The following MARCHF9 variants were observed in gnomAD, a reference collection of about 807,000 sequenced individuals.
The protein encoded by MARCHF9 is E3 ubiquitin-protein ligase MARCHF9.
Under a neutral mutation model 35.2 loss-of-function variants are expected in MARCHF9, and 17 were observed. The observed-to-expected ratio is 0.48, with a 90% CI of 0.33 to 0.72. The LOEUF (loss-of-function observed/expected upper bound fraction) is 0.72. Ranked by LOEUF, MARCHF9 falls within the 30% of genes least tolerant of loss-of-function variation. The probability of loss-of-function intolerance (pLI) is 0.02; values close to 1 mark genes in which losing one functional copy is unlikely to be tolerated. For synonymous variants in MARCHF9, 183 were observed against 207.4 expected, an observed-to-expected ratio of 0.88 and a Z score of 1.01; for missense variants, 386 against 478.2, an observed-to-expected ratio of 0.81 and a Z score of 1.80.
At chr12:57,757,117 C>G (rs1955292358) in intron 2 of MARCHF9, 33 bp downstream of exon 2, 1 of 1,512,440 alleles carries the variant, frequency 6.6e-7, no homozygotes, top group Non-Finnish European at 8.9e-7. Flanking sequence ...GGAGATTGGG[C>G]GAGGACCTTT....
rs912350767 is a variant in MARCHF9, at chr12:57,756,844, AGAG to A, written c.358-80_358-78del. The A allele has an allele frequency of 5.9e-6, 8 of 1,346,238 alleles. No individual in the cohort carries two copies. The East Asian group carries it at 1.7e-4, about 29-fold the overall frequency. 83.4% of individuals were successfully genotyped at this position (1,346,238 alleles called of 1,614,324 possible). On this transcript the variant is annotated intron_variant, in intron 1 of 3. Coordinates refer to ENST00000266643, the MANE Select transcript of MARCHF9 (RefSeq NM_138396.6). Reference sequence around the variant, plus strand: ...TATTTAAGGTGGGAAAGTGACCTGAAGAGGAGGTTTCCCTGTCGGGGAGCGCGG... The same window carrying A: ...TATTTAAGGTGGGAAAGTGACCTGAAGAGGTTTCCCTGTCGGGGAGCGCGG...
At chr12:57,757,845 G>GT in intron 2 of MARCHF9, 1 of 605,690 alleles carries the variant, frequency 1.7e-6, no homozygotes, top group South Asian at 2.0e-5. Context: ...TACTTAGCCA[G>GT]TAAGTGATGG....
chr12:57,755,761 C>T lies in MARCHF9; in HGVS notation c.233C>T (p.Pro78Leu), dbSNP rs1955282599. 3.2e-6 allele frequency: 4 copies of T among 1,256,270 alleles called. No homozygotes were observed. Among genetic ancestry groups the T allele is most frequent in the Non-Finnish European group, 4.0e-6 (4 of 1,003,774 alleles). The allele number at this position is 1,256,270 out of a possible 1,614,324, so 77.8% of individuals were successfully genotyped here. The change falls in exon 1 of 4, where the codon CCC becomes CTC. Residue 78 changes from proline to leucine, a missense_variant. Pro to Leu is a moderately conservative substitution (Grantham distance 98). This residue lies in a region of MARCHF9 where 219 missense variants were observed against 316.2 expected (regional missense o/e 0.69). Transcript: ENST00000266643. ...LAGDKEPRAG[P>L]LPPPAPPLPP... ...GGCGACAAGGAGCCGCGGGCCGGAC[C>T]CCTGCCGCCGCCCGCGCCGCCGCTG...
chr12:57,756,249 G>A (rs887043166), intron 1 of MARCHF9, among the ~76,000 whole-genome samples: 2 of 152,214 alleles, frequency 1.3e-5, no homozygotes, highest in Non-Finnish European at 2.9e-5. Flanking sequence ...TGAAGGGAGG[G>A]GCCCAGCCAG....
At position 57,757,018 on chromosome 12, in the gene MARCHF9, C is replaced by G. The variant is rs1337456777; in HGVS notation, c.447C>G (p.Ser149=). 1 of 1,573,372 alleles carries G rather than the reference C, an allele frequency of 6.4e-7. No individual in the cohort carries two copies. The highest frequency in any genetic ancestry group is 1.3e-5 in the African/African-American group (1 of 74,192). ...CLIRWISERG[S]WSCELCYFKY... Reference sequence around the variant, plus strand: ...TCCGCTGGATCAGCGAGAGGGGCTCCTGGAGCTGTGAGCTCTGCTACTTCA... The same window carrying G: ...TCCGCTGGATCAGCGAGAGGGGCTCGTGGAGCTGTGAGCTCTGCTACTTCA... The change falls in exon 2 of 4, where the codon TCC becomes TCG. Residue 149 remains serine (S), a synonymous_variant. Transcript: ENST00000266643.
chr12:57,759,039 G>A lies in MARCHF9; in HGVS notation c.*142G>A. On this transcript the variant is annotated 3_prime_UTR_variant, in exon 4 of 4. Coordinates refer to ENST00000266643, the MANE Select transcript of MARCHF9 (RefSeq NM_138396.6). ...GATCTGTGTGGGTAGCCTCAAGCTG[G>A]AGACATTGTCTGGCCTCACTGCCCA... The A allele has an allele frequency of 3.5e-6, 3 of 852,278 alleles. No individual in the cohort carries two copies. Among genetic ancestry groups the A allele is most frequent in the Non-Finnish European group, 5.3e-6 (3 of 571,384 alleles). The allele number at this position is 852,278 out of a possible 1,614,324, so 52.8% of individuals were successfully genotyped here.
In MARCHF9 at chr12:57,758,933, A is replaced by G. The variant is rs1955303805; in HGVS notation, c.*36A>G. On this transcript the variant is annotated 3_prime_UTR_variant, in exon 4 of 4. Coordinates refer to ENST00000266643, the MANE Select transcript of MARCHF9 (RefSeq NM_138396.6). This position sits in a 1 kb window ranked among gnomAD's most constrained non-coding sequence, Gnocchi z 5.4. ...AGGAGCAGGGATCTTGAGTCAATGC[A>G]TCAGTCAGAGAAGAACTCTCATGGC... 2.0e-6 allele frequency: 3 copies of G among 1,525,210 alleles called. No individual in the cohort carries two copies. The highest frequency in any genetic ancestry group is 2.0e-5 in the Admixed American group (1 of 50,966). 94.5% of individuals were successfully genotyped at this position (1,525,210 alleles called of 1,614,324 possible).
intron 2 of MARCHF9, chr12:57,757,361 G>GA (rs905034890): frequency 7.2e-3 from 1,868 of 259,414 alleles, no homozygotes; most frequent in Middle Eastern, 0.015. Flanking sequence ...AGAAAGAAAA[G>GA]AAAAAAAAAA....
rs1418992115 is a variant in MARCHF9, at chr12:57,758,150, G to A, written c.556G>A (p.Ala186Thr). 2 of 1,614,176 alleles carry A rather than the reference G, an allele frequency of 1.2e-6. No homozygotes were observed. The highest frequency in any genetic ancestry group is 8.5e-7 in the Non-Finnish European group (1 of 1,180,028). The change falls in exon 3 of 4, where the codon GCT becomes ACT. Residue 186 changes from alanine (A) to threonine (T), a missense_variant. By Grantham distance (58) the Ala-to-Thr change is moderately conservative (BLOSUM62 0). This residue lies in a region of MARCHF9 where 219 missense variants were observed against 316.2 expected (regional missense o/e 0.69). Coordinates refer to ENST00000266643, the MANE Select transcript of MARCHF9 (RefSeq NM_138396.6). The surrounding 1 kb of genome is among the most constrained non-coding windows in gnomAD (Gnocchi z 5.4). ...GACGGTCATCGAGAAGGTCCAGATT[G>A]CTGCCATAGTTCTGGGCTCGCTCTT... ...SLTVIEKVQI[A>T]AIVLGSLFLV...
In MARCHF9 at chr12:57,759,620, T is replaced by C. The variant is rs1164810010; in HGVS notation, c.*723T>C. ...AGGGTAGACCTGGACCTGCCACCTATGAGTTGTGTGATATAGAAAAAAATC... is the reference window on the plus strand; with the variant it reads ...AGGGTAGACCTGGACCTGCCACCTACGAGTTGTGTGATATAGAAAAAAATC... On this transcript the variant is annotated 3_prime_UTR_variant, in exon 4 of 4. Coordinates refer to ENST00000266643, the MANE Select transcript of MARCHF9 (RefSeq NM_138396.6). 1 of 152,190 alleles carries C rather than the reference T, an allele frequency of 6.6e-6. No homozygotes were observed. 9.4% of individuals were successfully genotyped at this position (152,190 alleles called of 1,614,324 possible).
Position 57,755,621 on chromosome 12 carries a change from G to A in MARCHF9, c.93G>A (p.Arg31=), listed in dbSNP as rs1325567684. The A allele has an allele frequency of 3.0e-6, 4 of 1,336,266 alleles. No individual in the cohort carries two copies. The highest frequency in any genetic ancestry group is 6.2e-5 in the East Asian group (2 of 32,292). 82.8% of individuals were successfully genotyped at this position (1,336,266 alleles called of 1,614,324 possible). A position where few individuals can be genotyped will look rare whatever the true frequency, so the allele number is the denominator to read the frequency against. ...GGRPRAEPQP[R]GGRGGGCGWA... is the part of the protein sequence containing the mutation. ...GGCCCCGGGCCGAGCCGCAACCCCG[G>A]GGGGGCCGGGGAGGCGGCTGCGGCT... is the stretch of plus-strand genomic sequence containing the variant. The change falls in exon 1 of 4, where the codon CGG becomes CGA. Residue 31 remains arginine, a synonymous_variant. Coordinates refer to ENST00000266643, the MANE Select transcript of MARCHF9 (RefSeq NM_138396.6).
intron 2 of MARCHF9, 177 bp from the exon 3 acceptor site, chr12:57,757,931 C>T (rs752347928): frequency 6.9e-6 from 5 of 722,500 alleles, no homozygotes; most frequent in Admixed American, 6.1e-5. Flanking sequence ...TAAAGTAAGA[C>T]AAATGGTGTC....
chr12:57,756,265 T>A (rs962397411), intron 1 of MARCHF9, among the ~76,000 whole-genome samples: 10 of 152,196 alleles, frequency 6.6e-5, no homozygotes, highest in African/African-American at 2.4e-4. Context: ...GCCAGCGCCC[T>A]TGCTTAGCTC....
At position 57,755,738 on chromosome 12, in the gene MARCHF9, C is replaced by G. The variant is rs1955282341; in HGVS notation, c.210C>G (p.Gly70=). ...AGCCGCGGGCCCGGGGCCTGGCCGG[C>G]GACAAGGAGCCGCGGGCCGGACCCC... The part of the protein sequence containing the change: ...GSEPRARGLA[G]DKEPRAGPLP... The change falls in exon 1 of 4, where the codon GGC becomes GGG. Residue 70 remains glycine (G), a synonymous_variant. Transcript: ENST00000266643. 8.2e-7 allele frequency: 1 copy of G among 1,217,658 alleles called. No homozygotes were observed. The highest frequency in any genetic ancestry group is 1.6e-5 in the African/African-American group (1 of 62,870). The allele number at this position is 1,217,658 out of a possible 1,614,324, so 75.4% of individuals were successfully genotyped here.
At position 57,759,016 on chromosome 12, in the gene MARCHF9, T is replaced by C. The variant is rs1250403013; in HGVS notation, c.*119T>C. Reference sequence around the variant, plus strand: ...GGCATGCTGCCCCCGTCACCGAGGATCTGTGTGGGTAGCCTCAAGCTGGAG... The same window carrying C: ...GGCATGCTGCCCCCGTCACCGAGGACCTGTGTGGGTAGCCTCAAGCTGGAG... On this transcript the variant is annotated 3_prime_UTR_variant, in exon 4 of 4. Coordinates refer to ENST00000266643, the MANE Select transcript of MARCHF9 (RefSeq NM_138396.6). The C allele has an allele frequency of 9.9e-7, 1 of 1,007,740 alleles. No individual in the cohort carries two copies. Among genetic ancestry groups the C allele is most frequent in the East Asian group, 2.6e-5 (1 of 37,942 alleles). The allele number at this position is 1,007,740 out of a possible 1,614,324, so 62.4% of individuals were successfully genotyped here.
rs1250161070 is a variant in MARCHF9 at position 57,759,570 on chromosome 12, G to A, written c.*673G>A. 6.6e-6 allele frequency: 1 copy of A among 152,196 alleles called. No homozygotes were observed. The highest frequency in any genetic ancestry group is 1.5e-5 in the Non-Finnish European group (1 of 68,048). 9.4% of individuals were successfully genotyped at this position (152,196 alleles called of 1,614,324 possible). A position where few individuals can be genotyped will look rare whatever the true frequency, so the allele number is the denominator to read the frequency against. On this transcript the variant is annotated 3_prime_UTR_variant, in exon 4 of 4. Transcript: ENST00000266643. ...GGTGAATAATTCATGTTGGCTGCTA[G>A]GTGGCAGCACTCCGAGGTATCTAAA... is the stretch of plus-strand genomic sequence containing the variant.
rs1015606261 is a variant in MARCHF9, at chr12:57,757,714, T to G, written c.514-394T>G. ...ATGATAGCAAATATGTAGTGTTTTC[T>G]GTGTCAAGTTTTGGTGTGTATTAAC... On this transcript the variant is annotated intron_variant, in intron 2 of 3. Coordinates refer to ENST00000266643, the MANE Select transcript of MARCHF9 (RefSeq NM_138396.6). 9.6e-6 allele frequency: 5 copies of G among 522,720 alleles called. No individual in the cohort carries two copies. The African/African-American group carries it at 9.6e-5, about 10-fold the overall frequency. The allele number at this position is 522,720 out of a possible 1,614,324, so 32.4% of individuals were successfully genotyped here.
rs770564063 is a variant in MARCHF9, at chr12:57,758,785, C to T, written c.929C>T (p.Pro310Leu). ...PAAQRMRTLL[P>L]QRCGYTILHL... ...GCCCAGCGCATGCGGACGCTCTTGC[C>T]TCAGCGCTGCGGTTATACAATCTTG... The change falls in exon 4 of 4, where the codon CCT becomes CTT. Residue 310 changes from proline (P) to leucine (L), a missense_variant. Transcript: ENST00000266643. The surrounding 1 kb of genome is among the most constrained non-coding windows in gnomAD (Gnocchi z 5.4). 1 of 1,613,472 alleles carries T rather than the reference C, an allele frequency of 6.2e-7. No homozygotes were observed. The highest frequency in any genetic ancestry group is 8.5e-7 in the Non-Finnish European group (1 of 1,179,884).
rs572319152 is a variant in MARCHF9, at chr12:57,757,097, G to A, written c.513+13G>A. On this transcript the variant is annotated intron_variant, in intron 2 of 3. Transcript: ENST00000266643. ...GAACCCACTGCAGGTGAGGTGCAAG[G>A]AGAGGACTCGGAGATTGGGCGAGGA... 5 of 1,539,816 alleles carry A rather than the reference G, an allele frequency of 3.2e-6. No individual in the cohort carries two copies. In the South Asian group the frequency reaches 6.1e-5, roughly 19 times the overall value.
Sources: gnomAD v4.1 joint callset for allele counts (sites outside exome capture counted in the v4.1 genomes callset) on GRCh38, gnomAD v4.1.1 for gene constraint, gnomAD v4.1.1 regional missense constraint, Gnocchi (gnomAD v3.1) non-coding constraint, MANE v1.5 for transcripts, NCBI Gene and HGNC (gene_info 2026-07-23, HGNC 2026-07-21) for gene names.